The following NTRK3 variants were observed in gnomAD, a reference collection of about 807,000 sequenced individuals.
NTRK3 encodes NT-3 growth factor receptor.
NTRK3 carries 24 observed loss-of-function variants against 91.7 expected under a neutral mutation model. The observed-to-expected ratio is 0.26, with a 90% CI of 0.19 to 0.37. The LOEUF (loss-of-function observed/expected upper bound fraction) is 0.37. Ranked by LOEUF, NTRK3 falls within the 10% of genes least tolerant of loss-of-function variation. The pLI, the probability that NTRK3 is intolerant of heterozygous loss-of-function variation, is 1.00. For synonymous variants in NTRK3, 483 were observed against 404.0 expected, an observed-to-expected ratio of 1.20 and a Z score of -2.34; for missense variants, 880 against 1,068.9, an observed-to-expected ratio of 0.82 and a Z score of 2.46.
chr15:88,154,987 G>T (rs2151382354), intron 5 of NTRK3, among the ~76,000 whole-genome samples: 1 of 152,282 alleles, frequency 6.6e-6, no homozygotes, highest in African/African-American at 2.4e-5. Context: ...GCAAGCTAGA[G>T]CCTGTAGGTC....
intron 13 of NTRK3, among the ~76,000 whole-genome samples, chr15:88,120,179 G>A (rs1219432572): frequency 1.3e-5 from 2 of 152,204 alleles, no homozygotes; most frequent in Non-Finnish European, 2.9e-5. Context: ...GAAACCAGAA[G>A]GATAACAAGA....
At chr15:87,859,798 C>G (rs188575309) in exon 19 of NTRK3, 1 of 177,244 alleles carries the variant, frequency 5.6e-6, no homozygotes, top group African/African-American at 2.4e-5. Flanking sequence ...TAAACTATGT[C>G]AGGAGGATAC....
intron 5 of NTRK3, among the ~76,000 whole-genome samples, chr15:88,154,433 C>T (rs772424886): frequency 2.6e-5 from 4 of 152,238 alleles, no homozygotes; most frequent in Non-Finnish European, 5.9e-5. Context: ...GCAACTGCTG[C>T]CGCCCAACAT....
At chr15:88,104,421 ATGTT>A (rs1375285382) in intron 13 of NTRK3, among the ~76,000 whole-genome samples, 1 of 152,196 alleles carries the variant, frequency 6.6e-6, no homozygotes, top group Non-Finnish European at 1.5e-5. Flanking sequence ...TGTCTTGAAA[ATGTT>A]TGGCCACTTT....
At chr15:88,195,604 G>T (rs1315406718) in intron 3 of NTRK3, among the ~76,000 whole-genome samples, 1 of 152,224 alleles carries the variant, frequency 6.6e-6, no homozygotes, top group Admixed American at 6.5e-5. Flanking sequence ...CTTGGAGAAA[G>T]TCTCCTCCTG....
chr15:87,996,491 T>G (rs1567203211), intron 14 of NTRK3, among the ~76,000 whole-genome samples: 1 of 151,534 alleles, frequency 6.6e-6, no homozygotes, highest in Non-Finnish European at 1.5e-5. Context: ...ACATAGGGGG[T>G]GGGAGAGGAG....
intron 3 of NTRK3, among the ~76,000 whole-genome samples, chr15:88,245,000 GC>G (rs1335875814): frequency 6.6e-6 from 1 of 152,212 alleles, no homozygotes; most frequent in Non-Finnish European, 1.5e-5. Context: ...TAAAGGCTTT[GC>G]CTGGGACACT....
chr15:88,047,376 G>A (rs973341493), intron 13 of NTRK3, among the ~76,000 whole-genome samples: 11 of 152,004 alleles, frequency 7.2e-5, no homozygotes, highest in Non-Finnish European at 1.0e-4. Flanking sequence ...AAAAAGGTGC[G>A]GTGAGGTAGA....
chr15:88,075,600 TTTG>T (rs367598541), intron 13 of NTRK3, among the ~76,000 whole-genome samples: 22 of 151,976 alleles, frequency 1.4e-4, no homozygotes, highest in African/African-American at 4.1e-4. Context: ...TTTCTTTATG[TTTG>T]TTGTTGTTGT....
intron 13 of NTRK3, among the ~76,000 whole-genome samples, chr15:88,114,197 T>C (rs1446116388): frequency 6.6e-6 from 1 of 152,206 alleles, no homozygotes; most frequent in Non-Finnish European, 1.5e-5. Flanking sequence ...CTGGATCCAC[T>C]GAGGGAGGAA....
intron 8 of NTRK3, 32 bp downstream of exon 8, chr15:88,136,435 C>G (rs368302510): frequency 9.9e-6 from 16 of 1,613,990 alleles, no homozygotes; most frequent in Admixed American, 1.7e-5. Flanking sequence ...ACTCCCTAGC[C>G]TCCTGATGGG....
At chr15:88,052,173 A>G (rs780232972) in intron 13 of NTRK3, among the ~76,000 whole-genome samples, 12 of 152,360 alleles carry the variant, frequency 7.9e-5, no homozygotes, top group Non-Finnish European at 1.5e-4. Flanking sequence ...GATGTCATAA[A>G]TATTTCCAGG....
intron 3 of NTRK3, among the ~76,000 whole-genome samples, chr15:88,204,829 CACATTCATCAG>C (rs2048603384): frequency 6.6e-6 from 1 of 152,144 alleles, no homozygotes; most frequent in African/African-American, 2.4e-5. Context: ...CTGGCTCAGG[CACATTCATCAG>C]GTGTCACCTC....
chr15:88,212,779 A>C (rs2049376220), intron 3 of NTRK3, among the ~76,000 whole-genome samples: 1 of 149,966 alleles, frequency 6.7e-6, no homozygotes. Context: ...CCCCATGGCC[A>C]GCAGTATGTC....
chr15:88,239,822 A>G (rs2141866836), intron 3 of NTRK3, among the ~76,000 whole-genome samples: 1 of 152,300 alleles, frequency 6.6e-6, no homozygotes, highest in East Asian at 1.9e-4. Context: ...ATCTCACTCC[A>G]GGGAGTACAG....
At chr15:87,960,615 G>T (rs2141196262) in intron 14 of NTRK3, among the ~76,000 whole-genome samples, 1 of 152,080 alleles carries the variant, frequency 6.6e-6, no homozygotes, top group African/African-American at 2.4e-5. Flanking sequence ...CTCCCTAGTA[G>T]CTGAGATCAT....
chr15:88,139,696 G>A (rs974569690), intron 6 of NTRK3, among the ~76,000 whole-genome samples: 1 of 152,078 alleles, frequency 6.6e-6, no homozygotes. Context: ...AGGAGGGAGG[G>A]GCCCTCTCTG....
chr15:87,963,294 G>C (rs933526860), intron 14 of NTRK3, among the ~76,000 whole-genome samples: 11 of 151,972 alleles, frequency 7.2e-5, no homozygotes, highest in African/African-American at 2.7e-4. Flanking sequence ...GCTGTTTTTC[G>C]TAAGAATGGA....
intron 3 of NTRK3, among the ~76,000 whole-genome samples, chr15:88,222,864 A>G (rs907933328): frequency 1.3e-5 from 2 of 152,180 alleles, no homozygotes; most frequent in African/African-American, 2.4e-5. Flanking sequence ...GGGAGGCTCA[A>G]TGACTCACTG....
Sources: allele counts gnomAD v4.1 joint callset (sites outside exome capture counted in the v4.1 genomes callset), GRCh38; gene constraint gnomAD v4.1.1; transcripts MANE v1.5; gene names NCBI Gene and HGNC (gene_info 2026-07-23, HGNC 2026-07-21).